NOS1AP: variants seen among roughly 807,000 people sequenced by gnomAD.
NOS1AP encodes the protein carboxyl-terminal PDZ ligand of neuronal nitric oxide synthase protein.
In NOS1AP, 21 loss-of-function variants were observed where a neutral mutation model predicts 56.2. That is an observed-to-expected ratio of 0.37 (90% CI 0.26 to 0.54). The LOEUF (loss-of-function observed/expected upper bound fraction) is 0.54, where lower values mean the gene tolerates loss of function less well. Ranked by LOEUF, NOS1AP falls within the 20% of genes least tolerant of loss-of-function variation. The pLI, the probability that NOS1AP is intolerant of heterozygous loss-of-function variation, is 0.84. For missense variants in NOS1AP, 522 were observed against 657.8 expected (o/e 0.79, Z 2.26); for synonymous variants, 270 against 274.6 (o/e 0.98, Z 0.17).
chr1:162,103,965 A>AT (rs1453272771), intron 1 of NOS1AP, among the ~76,000 whole-genome samples: 7 of 152,046 alleles, frequency 4.6e-5, no homozygotes, highest in African/African-American at 1.7e-4. Context: ...CTAACTGGTT[A>AT]TTTTGCAGAC....
In NOS1AP at chr1:162,109,043, A is replaced by G. The variant is rs552523663; in HGVS notation, c.105+38761A>G. On this transcript the variant is annotated intron_variant, in intron 1 of 9. Transcript: ENST00000361897. ...AGGCACATCTTCTATGGTGGCAGGCAAGAGAGCTTGTGCAGGGGAACTCCC... is the reference window on the plus strand; with the variant it reads ...AGGCACATCTTCTATGGTGGCAGGCGAGAGAGCTTGTGCAGGGGAACTCCC... Among the ~76,000 whole-genome samples, 9 of 152,354 alleles carry G rather than the reference A, an allele frequency of 5.9e-5. 3 individuals carry two copies. The South Asian group carries it at 1.9e-3, about 32-fold the overall frequency.
intron 2 of NOS1AP, among the ~76,000 whole-genome samples, chr1:162,242,451 G>A (rs1165693408): frequency 6.6e-6 from 1 of 152,190 alleles, no homozygotes; most frequent in Non-Finnish European, 1.5e-5. Context: ...ATGCTGGAGA[G>A]GCCACGTGTA....
intron 4 of NOS1AP, among the ~76,000 whole-genome samples, chr1:162,304,475 A>G (rs1406871575): frequency 6.6e-6 from 1 of 151,884 alleles, no homozygotes; most frequent in Non-Finnish European, 1.5e-5. Flanking sequence ...TTTTTTATTC[A>G]ATTAGTATTA....
intron 2 of NOS1AP, among the ~76,000 whole-genome samples, chr1:162,235,781 G>A (rs935216166): frequency 6.6e-6 from 1 of 152,234 alleles, no homozygotes; most frequent in Non-Finnish European, 1.5e-5. Context: ...CAGTGTTCAA[G>A]GAGCACTTGC....
intron 2 of NOS1AP, among the ~76,000 whole-genome samples, chr1:162,211,913 C>G (rs757383554): frequency 2.0e-5 from 3 of 152,156 alleles, no homozygotes; most frequent in East Asian, 1.9e-4. Context: ...AGCTTCCCCC[C>G]ACAAAAGAAG....
chr1:162,140,473 T>C (rs1649189607), intron 1 of NOS1AP, among the ~76,000 whole-genome samples: 1 of 152,216 alleles, frequency 6.6e-6, no homozygotes, highest in Non-Finnish European at 1.5e-5. Context: ...TCAAAGGACA[T>C]GATTTCTTTC....
intron 2 of NOS1AP, among the ~76,000 whole-genome samples, chr1:162,272,884 C>T (rs1654625831): frequency 6.6e-6 from 1 of 152,162 alleles, no homozygotes; most frequent in South Asian, 2.1e-4. Context: ...CTGGGCCTCA[C>T]TGCAGCTCCC....
chr1:162,080,065 A>G (rs888120844), intron 1 of NOS1AP, among the ~76,000 whole-genome samples: 3 of 152,144 alleles, frequency 2.0e-5, no homozygotes, highest in Non-Finnish European at 4.4e-5. Flanking sequence ...CTTTCTCTGA[A>G]TTTCTTGGAT....
intron 5 of NOS1AP, among the ~76,000 whole-genome samples, chr1:162,337,522 G>C (rs1258219976): frequency 6.6e-6 from 1 of 151,854 alleles, no homozygotes; most frequent in African/African-American, 2.4e-5. Context: ...CAAAATGCAG[G>C]AATCATGGGT....
At chr1:162,255,490 ATTTTT>A (rs35637289) in intron 2 of NOS1AP, among the ~76,000 whole-genome samples, 40 of 60,990 alleles carry the variant, frequency 6.6e-4, no homozygotes, top group African/African-American at 1.5e-3. Flanking sequence ...GCTGCTGCTG[ATTTTT>A]TTTTTTTTTT....
intron 2 of NOS1AP, among the ~76,000 whole-genome samples, chr1:162,191,819 AT>A (rs1479608111): frequency 6.6e-6 from 1 of 152,172 alleles, no homozygotes; most frequent in East Asian, 1.9e-4. Context: ...TGTCATTGAA[AT>A]CACACCATTC....
chr1:162,244,505 T>G (rs1653593310), intron 2 of NOS1AP, among the ~76,000 whole-genome samples: 2 of 152,158 alleles, frequency 1.3e-5, no homozygotes, highest in East Asian at 3.9e-4. Flanking sequence ...GATGAAGAAT[T>G]TAGTGCTTTG....
chr1:162,091,296 C>T (rs868772839), intron 1 of NOS1AP, among the ~76,000 whole-genome samples: 11 of 152,084 alleles, frequency 7.2e-5, no homozygotes, highest in South Asian at 2.1e-4. Context: ...CCAGGTTCAG[C>T]GGCAGTTCTC....
chr1:162,298,745 A>G (rs922195460), intron 3 of NOS1AP, among the ~76,000 whole-genome samples: 3 of 152,258 alleles, frequency 2.0e-5, no homozygotes, highest in Non-Finnish European at 4.4e-5. Context: ...AGATGTTAGA[A>G]TTATCTGAGA....
intron 8 of NOS1AP, chr1:162,364,709 C>G: frequency 1.0e-6 from 1 of 985,626 alleles, no homozygotes; most frequent in Non-Finnish European, 1.2e-6. Context: ...ACCAGGTGGT[C>G]CTGGTAATAT....
At chr1:162,102,603 C>T (rs1647330902) in intron 1 of NOS1AP, among the ~76,000 whole-genome samples, 1 of 151,466 alleles carries the variant, frequency 6.6e-6, no homozygotes, top group Non-Finnish European at 1.5e-5. Flanking sequence ...GGCTATTTCT[C>T]AATTTCAGAA....
chr1:162,333,980 G>A (rs1045589916), intron 5 of NOS1AP, among the ~76,000 whole-genome samples: 2 of 152,132 alleles, frequency 1.3e-5, no homozygotes, highest in Non-Finnish European at 2.9e-5. Flanking sequence ...AACACTATTT[G>A]TGCCCCTAAG....
At chr1:162,307,181 AGT>A (rs1416942214) in intron 4 of NOS1AP, among the ~76,000 whole-genome samples, 64 of 152,294 alleles carry the variant, frequency 4.2e-4, no homozygotes, top group African/African-American at 1.5e-3. Context: ...CTGTTATGGA[AGT>A]CACTGTGCTT....
chr1:162,184,045 T>C (rs899768969), intron 2 of NOS1AP, among the ~76,000 whole-genome samples: 4 of 152,228 alleles, frequency 2.6e-5, no homozygotes, highest in Non-Finnish European at 5.9e-5. Context: ...GCTTTTGGTT[T>C]AAAGTGAGAG....
Sources: gnomAD v4.1 joint callset for allele counts (sites outside exome capture counted in the v4.1 genomes callset) on GRCh38, gnomAD v4.1.1 for gene constraint, MANE v1.5 for transcripts, NCBI Gene and HGNC (gene_info 2026-07-23, HGNC 2026-07-21) for gene names.